Variants in MICU3 observed in about 807,000 individuals in gnomAD.
MICU3 encodes mitochondrial calcium uptake 3.
A neutral mutation model predicts 66.5 loss-of-function variants in MICU3; 62 were observed. The ratio of observed to expected loss-of-function variants is 0.93; its 90% CI spans 0.76 to 1.15. The LOEUF (loss-of-function observed/expected upper bound fraction) is 1.15, where lower values mean the gene tolerates loss of function less well. MICU3 is among the 50% of genes most tolerant of loss of function. The probability of loss-of-function intolerance (pLI) is 0.00; values close to 1 mark genes in which losing one functional copy is unlikely to be tolerated. For synonymous variants in MICU3, 308 were observed against 240.7 expected, an observed-to-expected ratio of 1.28 and a Z score of -2.59; for missense variants, 779 against 664.4, an observed-to-expected ratio of 1.17 and a Z score of -1.90.
chr8:17,052,502 C>G (rs564257384), intron 1 of MICU3, among the ~76,000 whole-genome samples: 2 of 152,134 alleles, frequency 1.3e-5, no homozygotes, highest in South Asian at 4.2e-4. Context: ...TCTTCATTTC[C>G]CCAACCCCCA....
chr8:17,103,632 A>G (rs1456949397), intron 9 of MICU3, among the ~76,000 whole-genome samples: 2 of 151,794 alleles, frequency 1.3e-5, no homozygotes, highest in Admixed American at 6.6e-5. Flanking sequence ...CTATAAAGCT[A>G]TATTAAAGGA....
chr8:17,113,196 C>T (rs551887308), intron 11 of MICU3, among the ~76,000 whole-genome samples: 6 of 152,290 alleles, frequency 3.9e-5, no homozygotes, highest in East Asian at 3.9e-4. Flanking sequence ...CCTTCCAACA[C>T]GGCCTTGTTA....
chr8:17,114,007 A>T, intron 11 of MICU3, 86 bp from the exon 12 acceptor site: 2 of 774,004 alleles, frequency 2.6e-6, no homozygotes, highest in Non-Finnish European at 4.1e-6. Flanking sequence ...GCAAATGCTT[A>T]ATCTGTTTTT....
chr8:17,034,596 A>C (rs1051331292), intron 1 of MICU3, among the ~76,000 whole-genome samples: 13 of 152,344 alleles, frequency 8.5e-5, no homozygotes, highest in African/African-American at 2.9e-4. Context: ...TATCAACATT[A>C]GTAGGAGTTT....
intron 11 of MICU3, among the ~76,000 whole-genome samples, chr8:17,106,341 A>T (rs992963253): frequency 5.3e-5 from 8 of 151,710 alleles, no homozygotes; most frequent in African/African-American, 1.9e-4. Context: ...ATTTCCCCTA[A>T]GGAATGAAAA....
intron 1 of MICU3, among the ~76,000 whole-genome samples, chr8:17,038,956 A>G (rs1813545928): frequency 6.8e-6 from 1 of 147,316 alleles, no homozygotes; most frequent in Non-Finnish European, 1.5e-5. Context: ...CTGTCTCAAA[A>G]AAAAAAAAAA....
intron 1 of MICU3, among the ~76,000 whole-genome samples, chr8:17,035,567 G>T (rs1372232017): frequency 1.3e-5 from 2 of 152,210 alleles, no homozygotes; most frequent in Non-Finnish European, 2.9e-5. Context: ...CTAGTGGCAT[G>T]TTGTCCCTGC....
chr8:17,081,533 A>G (rs1821178989), intron 4 of MICU3, among the ~76,000 whole-genome samples, 160 bp from the exon 5 acceptor site: 1 of 152,134 alleles, frequency 6.6e-6, no homozygotes, highest in South Asian at 2.1e-4. Flanking sequence ...CAATTAAAGT[A>G]AAATTAAATT....
chr8:17,081,436 A>G (rs554297177), intron 4 of MICU3, among the ~76,000 whole-genome samples: 1 of 152,248 alleles, frequency 6.6e-6, no homozygotes, highest in South Asian at 2.1e-4. Flanking sequence ...AGTTACTGCT[A>G]TACGTATGCA....
chr8:17,086,914 GC>G, intron 6 of MICU3, 49 bp from the exon 7 acceptor site: 1 of 1,242,868 alleles, frequency 8.0e-7, no homozygotes, highest in African/African-American at 1.5e-5. Context: ...GTAGATAGGT[GC>G]CCAGAAACTC....
intron 1 of MICU3, among the ~76,000 whole-genome samples, chr8:17,027,868 G>C (rs970230442): frequency 1.4e-4 from 22 of 152,288 alleles, no homozygotes; most frequent in Middle Eastern, 6.8e-3. Flanking sequence ...TGATGCATCA[G>C]GACCTTAAAG....
At chr8:17,032,165 A>G (rs1812192869) in intron 1 of MICU3, among the ~76,000 whole-genome samples, 2 of 152,212 alleles carry the variant, frequency 1.3e-5, no homozygotes, top group Admixed American at 6.5e-5. Context: ...ACTTCAGTAA[A>G]GGTCAAAATT....
chr8:17,027,276 C>G lies in MICU3; in HGVS notation c.-4C>G. The G allele has an allele frequency of 8.2e-7, 1 of 1,226,124 alleles. No individual in the cohort carries two copies. The highest frequency in any genetic ancestry group is 1.0e-6 in the Non-Finnish European group (1 of 969,208). 76.0% of individuals were successfully genotyped at this position (1,226,124 alleles called of 1,614,324 possible). ...TCCCAGCTCTGGTGTGGGCGGCCTC[C>G]GCTATGGCTGCGCTGCGAAGGCTCT... On this transcript the variant is annotated 5_prime_UTR_variant, in exon 1 of 15. Transcript: ENST00000318063.
At chr8:17,064,831 G>T (rs1818438010) in intron 2 of MICU3, among the ~76,000 whole-genome samples, 1 of 152,048 alleles carries the variant, frequency 6.6e-6, no homozygotes, top group African/African-American at 2.4e-5. Context: ...GACATGGACA[G>T]TAAAAAAAGG....
chr8:17,131,687 T>TA, the MICU3 span: 9 of 152,358 alleles, frequency 5.9e-5, no homozygotes. Flanking sequence ...ACACAGGGAA[T>TA]AAGCATGCAG....
intron 8 of MICU3, among the ~76,000 whole-genome samples, chr8:17,097,241 A>G (rs189655692): frequency 2.6e-4 from 39 of 151,912 alleles, no homozygotes; most frequent in Non-Finnish European, 4.9e-4. Flanking sequence ...AGGTTATTCC[A>G]TATCTATATA....
In MICU3 at chr8:17,066,517, C is replaced by CTATATA. The variant is rs71212675; in HGVS notation, c.535+2299_535+2304dup. Among the ~76,000 whole-genome samples the CTATATA allele has an allele frequency of 3.3e-3, 351 of 104,908 alleles. 2 individuals carry two copies. Among genetic ancestry groups the CTATATA allele is most frequent in the East Asian group, 0.021 (66 of 3,086 alleles). The allele number at this position is 104,908 out of a possible 152,430, so 68.8% of individuals were successfully genotyped here. ...TATTCTTTAAGTGATTGTTAATAAT[C>CTATATA]TATATATATATATATATATATATAG... On this transcript the variant is annotated intron_variant, in intron 2 of 14. Coordinates refer to ENST00000318063, the MANE Select transcript of MICU3 (RefSeq NM_181723.3).
intron 13 of MICU3, among the ~76,000 whole-genome samples, chr8:17,117,694 C>T (rs1022029303): frequency 2.0e-5 from 3 of 151,352 alleles, no homozygotes; most frequent in South Asian, 2.1e-4. Flanking sequence ...CTGCAACCTC[C>T]GCCTCCCGGG....
In MICU3 at chr8:17,027,278, C is replaced by A. The variant is rs1340546432; in HGVS notation, c.-2C>A. ...CCAGCTCTGGTGTGGGCGGCCTCCG[C>A]TATGGCTGCGCTGCGAAGGCTCTTG... On this transcript the variant is annotated 5_prime_UTR_variant, in exon 1 of 15. Transcript: ENST00000318063. 2 of 1,270,312 alleles carry A rather than the reference C, an allele frequency of 1.6e-6. No homozygotes were observed. The highest frequency in any genetic ancestry group is 2.0e-6 in the Non-Finnish European group (2 of 993,948). The allele number at this position is 1,270,312 out of a possible 1,614,324, so 78.7% of individuals were successfully genotyped here. A position where few individuals can be genotyped will look rare whatever the true frequency, so the allele number is the denominator to read the frequency against.
Sources: allele counts gnomAD v4.1 joint callset (sites outside exome capture counted in the v4.1 genomes callset), GRCh38; gene constraint gnomAD v4.1.1; transcripts MANE v1.5; gene names NCBI Gene and HGNC (gene_info 2026-07-23, HGNC 2026-07-21).